Variants in FARS2 observed in about 807,000 individuals in gnomAD.
The protein encoded by FARS2 is phenylalanyl-tRNA synthetase 2, mitochondrial.
FARS2 carries 40 observed loss-of-function variants against 46.4 expected under a neutral mutation model. The observed-to-expected ratio is 0.86, with a 90% CI of 0.67 to 1.12. The LOEUF (loss-of-function observed/expected upper bound fraction) is 1.12, where lower values mean the gene tolerates loss of function less well. FARS2 is among the 50% of genes most tolerant of loss of function. The pLI is 0.00. For missense variants in FARS2, 513 were observed against 567.9 expected, an observed-to-expected ratio of 0.90 and a Z score of 0.98; for synonymous variants, 234 against 214.9, an observed-to-expected ratio of 1.09 and a Z score of -0.78.
At chr6:5,682,178 G>C (rs1352678629) in intron 6 of FARS2, among the ~76,000 whole-genome samples, 1 of 152,144 alleles carries the variant, frequency 6.6e-6, no homozygotes, top group Non-Finnish European at 1.5e-5. Flanking sequence ...TGTTAAAAAT[G>C]ACAATAACTA....
intron 4 of FARS2, among the ~76,000 whole-genome samples, chr6:5,475,509 A>T (rs1426168954): frequency 6.6e-6 from 1 of 152,182 alleles, no homozygotes; most frequent in Non-Finnish European, 1.5e-5. Context: ...TGCGTTTCAG[A>T]CTAGGACTCT....
chr6:5,546,929 G>T (rs1186552521), intron 5 of FARS2, among the ~76,000 whole-genome samples: 1 of 151,050 alleles, frequency 6.6e-6, no homozygotes, highest in Non-Finnish European at 1.5e-5. Flanking sequence ...ATTCATAATG[G>T]TTATTTTATT....
At chr6:5,274,614 C>T (rs1766199216) in intron 1 of FARS2, among the ~76,000 whole-genome samples, 1 of 152,154 alleles carries the variant, frequency 6.6e-6, no homozygotes, top group Non-Finnish European at 1.5e-5. Flanking sequence ...TGAAATGAAC[C>T]CTGGAACTGG....
chr6:5,556,984 G>A (rs942181746), intron 5 of FARS2, among the ~76,000 whole-genome samples: 2 of 152,082 alleles, frequency 1.3e-5, no homozygotes, highest in Non-Finnish European at 2.9e-5. Context: ...CTTTTATACT[G>A]CACAGAATCA....
At chr6:5,578,963 A>C (rs536010090) in intron 5 of FARS2, among the ~76,000 whole-genome samples, 30 of 152,218 alleles carry the variant, frequency 2.0e-4, no homozygotes, top group Non-Finnish European at 2.9e-5. Context: ...AATAATATTA[A>C]TGCTTACGTG....
At chr6:5,494,844 G>C (rs1767354272) in intron 4 of FARS2, among the ~76,000 whole-genome samples, 1 of 152,016 alleles carries the variant, frequency 6.6e-6, no homozygotes, top group Non-Finnish European at 1.5e-5. Flanking sequence ...GTGTCCTAAT[G>C]GTCTAAAATG....
At chr6:5,406,906 T>C (rs1317392151) in intron 3 of FARS2, among the ~76,000 whole-genome samples, 1 of 151,706 alleles carries the variant, frequency 6.6e-6, no homozygotes, top group Non-Finnish European at 1.5e-5. Context: ...ATAGGGTTAG[T>C]CATTTTAATT....
At chr6:5,279,891 G>A (rs977570009) in intron 1 of FARS2, among the ~76,000 whole-genome samples, 4 of 152,186 alleles carry the variant, frequency 2.6e-5, no homozygotes, top group African/African-American at 9.7e-5. Flanking sequence ...TGATTCAAGT[G>A]TTAATCTCAT....
chr6:5,704,718 G>C (rs1758638384), intron 6 of FARS2, among the ~76,000 whole-genome samples: 1 of 152,180 alleles, frequency 6.6e-6, no homozygotes, highest in Admixed American at 6.5e-5. Context: ...TGTGGATTGT[G>C]AATCTACAAG....
At chr6:5,477,441 T>C (rs531408472) in intron 4 of FARS2, among the ~76,000 whole-genome samples, 16 of 152,312 alleles carry the variant, frequency 1.1e-4, no homozygotes, top group African/African-American at 3.8e-4. Context: ...TTAATGCCAA[T>C]TGTGACTATT....
At chr6:5,473,283 T>C (rs959430085) in intron 4 of FARS2, among the ~76,000 whole-genome samples, 4 of 151,074 alleles carry the variant, frequency 2.6e-5, no homozygotes, top group African/African-American at 9.7e-5. Context: ...TCCCAGCACT[T>C]TGGGAGGCCG....
intron 6 of FARS2, among the ~76,000 whole-genome samples, chr6:5,731,805 G>C (rs543319592): frequency 2.0e-5 from 3 of 151,830 alleles, no homozygotes; most frequent in Non-Finnish European, 2.9e-5. Context: ...AGGGCCCCTT[G>C]GTCCCTCTGA....
intron 1 of FARS2, among the ~76,000 whole-genome samples, chr6:5,309,455 T>G (rs892892543): frequency 1.5e-4 from 23 of 152,214 alleles, no homozygotes; most frequent in African/African-American, 5.5e-4. Context: ...ATTAACATCC[T>G]GATGCAGATT....
At chr6:5,481,033 C>T (rs1307543659) in intron 4 of FARS2, among the ~76,000 whole-genome samples, 1 of 152,206 alleles carries the variant, frequency 6.6e-6, no homozygotes, top group Non-Finnish European at 1.5e-5. Flanking sequence ...ACAGTCTTTG[C>T]AGTTAGCCTG....
intron 4 of FARS2, among the ~76,000 whole-genome samples, chr6:5,520,552 A>C (rs1208534902): frequency 6.6e-6 from 1 of 152,246 alleles, no homozygotes; most frequent in African/African-American, 2.4e-5. Flanking sequence ...TCACCAGCTT[A>C]AGAAAGAAGA....
At chr6:5,500,078 A>G (rs1461272243) in intron 4 of FARS2, among the ~76,000 whole-genome samples, 2 of 152,192 alleles carry the variant, frequency 1.3e-5, no homozygotes, top group East Asian at 3.9e-4. Context: ...TGAAGATATA[A>G]GTTTTACATG....
At chr6:5,537,602 CG>C in intron 4 of FARS2, among the ~76,000 whole-genome samples, 2 of 151,518 alleles carry the variant, frequency 1.3e-5, no homozygotes, top group African/African-American at 4.8e-5. Context: ...GGCTTCCTCT[CG>C]AGTTGGAGAT....
At chr6:5,445,883 A>G (rs574129955) in intron 4 of FARS2, among the ~76,000 whole-genome samples, 1 of 152,272 alleles carries the variant, frequency 6.6e-6, no homozygotes, top group African/African-American at 2.4e-5. Flanking sequence ...GGAAGCAGGG[A>G]CAAACTACAG....
At chr6:5,624,989 C>T (rs924637500) in intron 6 of FARS2, among the ~76,000 whole-genome samples, 3 of 152,226 alleles carry the variant, frequency 2.0e-5, no homozygotes, top group Admixed American at 2.0e-4. Flanking sequence ...GCCTAACTCA[C>T]TGTCCATCCA....
Sources: gnomAD v4.1 joint callset for allele counts (sites outside exome capture counted in the v4.1 genomes callset) on GRCh38, gnomAD v4.1.1 for gene constraint, MANE v1.5 for transcripts, NCBI Gene and HGNC (gene_info 2026-07-23, HGNC 2026-07-21) for gene names.